Variants in TENM2 observed in about 807,000 individuals in gnomAD.
TENM2 encodes the protein teneurin transmembrane protein 2.
TENM2 carries 52 observed loss-of-function variants against 245.2 expected under a neutral mutation model. The ratio of observed to expected loss-of-function variants is 0.21; its 90% CI spans 0.17 to 0.27. The LOEUF is 0.27. Among genes scored for constraint, TENM2 ranks in the 10% least tolerant of loss-of-function variants. The pLI, the probability that TENM2 is intolerant of heterozygous loss-of-function variation, is 1.00. For synonymous variants in TENM2, 1,363 were observed against 1,438.9 expected (o/e 0.95, Z 1.19); for missense variants, 3,046 against 3,666.8 (o/e 0.83, Z 4.37).
At chr5:167,419,210 C>G (rs936188267) in intron 2 of TENM2, among the ~76,000 whole-genome samples, 18 of 152,000 alleles carry the variant, frequency 1.2e-4, no homozygotes, top group African/African-American at 4.3e-4. Context: ...GCCTGTAATT[C>G]CAGCACTTTG....
rs566257869 is a variant in TENM2 at position 167,541,867 on chromosome 5, T to C, written c.502+166394T>C. Among the ~76,000 whole-genome samples the C allele has an allele frequency of 1.7e-3, 259 of 152,304 alleles. 1 individual carries two copies. The highest frequency in any genetic ancestry group is 3.0e-3 in the Non-Finnish European group (206 of 68,012). Reference sequence around the variant, plus strand: ...AATAAAATCACAATCATAGAAAGCATATAATCATATTCCTGAAATATAAAT... The same window carrying C: ...AATAAAATCACAATCATAGAAAGCACATAATCATATTCCTGAAATATAAAT... On this transcript the variant is annotated intron_variant, in intron 2 of 28. Coordinates refer to ENST00000518659, the Ensembl canonical transcript of TENM2.
the TENM2 span, among the ~76,000 whole-genome samples, chr5:167,192,684 T>C: frequency 6.6e-6 from 1 of 152,114 alleles, no homozygotes; most frequent in Non-Finnish European, 1.5e-5. Context: ...GAGAGGATCA[T>C]GAAGATGGAA....
At chr5:167,620,591 G>A (rs1403967817) in intron 2 of TENM2, among the ~76,000 whole-genome samples, 1 of 105,100 alleles carries the variant, frequency 9.5e-6, no homozygotes, top group Admixed American at 1.4e-4. Flanking sequence ...AGCTCAAAAT[G>A]TGCTATACAA....
chr5:167,414,906 A>T (rs1763086974), intron 2 of TENM2, among the ~76,000 whole-genome samples: 1 of 152,152 alleles, frequency 6.6e-6, no homozygotes, highest in South Asian at 2.1e-4. Context: ...TCAAATTTTC[A>T]TAATTTGCTT....
intron 2 of TENM2, among the ~76,000 whole-genome samples, chr5:167,793,613 T>A (rs1765122594): frequency 6.6e-6 from 1 of 151,798 alleles, no homozygotes; most frequent in Non-Finnish European, 1.5e-5. Flanking sequence ...GGTGGGAGGA[T>A]CACTTGAGCC....
intron 23 of TENM2, among the ~76,000 whole-genome samples, chr5:168,220,098 C>A (rs539806189): frequency 6.6e-6 from 1 of 152,310 alleles, no homozygotes; most frequent in African/African-American, 2.4e-5. Flanking sequence ...CTTCAGGACA[C>A]TGTAGTTTTG....
intron 1 of TENM2, among the ~76,000 whole-genome samples, chr5:167,330,686 T>G (rs1757389823): frequency 1.3e-5 from 2 of 152,316 alleles, no homozygotes; most frequent in Middle Eastern, 3.4e-3. Context: ...TTAGATTAGA[T>G]GCTCCAAATC....
chr5:167,370,176 A>G (rs1760320019), intron 1 of TENM2, among the ~76,000 whole-genome samples: 2 of 152,024 alleles, frequency 1.3e-5, no homozygotes, highest in South Asian at 4.1e-4. Context: ...CCCCGTCTCT[A>G]CTAAAAATAC....
the TENM2 span, among the ~76,000 whole-genome samples, chr5:167,032,342 T>G: frequency 6.6e-6 from 1 of 152,292 alleles, no homozygotes; most frequent in Non-Finnish European, 1.5e-5. Context: ...GATACATGTT[T>G]TTTGCTGCCT....
At chr5:167,825,159 C>T (rs773343679) in intron 2 of TENM2, among the ~76,000 whole-genome samples, 7 of 152,104 alleles carry the variant, frequency 4.6e-5, no homozygotes, top group African/African-American at 7.2e-5. Context: ...CTGCTTCCTT[C>T]GTATAGTCAA....
At chr5:167,338,302 T>C (rs997643180) in intron 1 of TENM2, among the ~76,000 whole-genome samples, 14 of 152,196 alleles carry the variant, frequency 9.2e-5, no homozygotes, top group Admixed American at 9.2e-4. Flanking sequence ...CTAAGATGGC[T>C]TTATCAACCC....
intron 2 of TENM2, among the ~76,000 whole-genome samples, chr5:167,783,825 G>A (rs1418936849): frequency 1.3e-5 from 2 of 152,076 alleles, no homozygotes; most frequent in South Asian, 2.1e-4. Flanking sequence ...CCCAGGGTGC[G>A]TGTCTCTCCC....
the TENM2 span, among the ~76,000 whole-genome samples, chr5:166,992,135 T>C: frequency 1.3e-5 from 2 of 152,022 alleles, no homozygotes; most frequent in African/African-American, 4.8e-5. Flanking sequence ...GATTTCATAT[T>C]ATAAATAAAT....
chr5:167,646,434 C>T (rs1019548565), intron 2 of TENM2, among the ~76,000 whole-genome samples: 23 of 151,518 alleles, frequency 1.5e-4, no homozygotes, highest in Admixed American at 1.3e-3. Flanking sequence ...TGTGGAAATA[C>T]GGTTATTTCC....
chr5:167,163,332 C>T, the TENM2 span, among the ~76,000 whole-genome samples: 1 of 152,172 alleles, frequency 6.6e-6, no homozygotes, highest in Non-Finnish European at 1.5e-5. Context: ...CTCAAGGGAT[C>T]CTCCCGCCTC....
At chr5:167,696,974 G>A (rs1186586639) in intron 2 of TENM2, among the ~76,000 whole-genome samples, 2 of 152,196 alleles carry the variant, frequency 1.3e-5, no homozygotes, top group Non-Finnish European at 1.5e-5. Context: ...TCTATCTGAG[G>A]CCGTCAACCA....
chr5:168,023,747 A>G (rs191972477), intron 5 of TENM2, among the ~76,000 whole-genome samples: 4 of 152,266 alleles, frequency 2.6e-5, no homozygotes, highest in African/African-American at 9.6e-5. Flanking sequence ...AGCACACACT[A>G]CTGCATTTGC....
rs1330066219 is a variant in TENM2, at chr5:168,051,643, A to G, written c.1309+4094A>G. On this transcript the variant is annotated intron_variant, in intron 6 of 28. Transcript: ENST00000518659. Reference sequence around the variant, plus strand: ...ATATTCTTGGTAACTTTGCATTGGAAGATGCACTATAATATAGGATTTTGG... The same window carrying G: ...ATATTCTTGGTAACTTTGCATTGGAGGATGCACTATAATATAGGATTTTGG... 2.6e-5 allele frequency among the ~76,000 whole-genome samples: 4 copies of G among 152,292 alleles called. No homozygotes were observed. In the East Asian group the frequency reaches 7.7e-4, roughly 29 times the overall value.
At chr5:167,262,103 G>A in the TENM2 span, among the ~76,000 whole-genome samples, 1 of 152,160 alleles carries the variant, frequency 6.6e-6, no homozygotes, top group Non-Finnish European at 1.5e-5. Flanking sequence ...GGGTCCCTTT[G>A]GGTAAGATTA....
Sources: gnomAD v4.1 joint callset for allele counts (sites outside exome capture counted in the v4.1 genomes callset) on GRCh38, gnomAD v4.1.1 for gene constraint, MANE v1.5 for transcripts, NCBI Gene and HGNC (gene_info 2026-07-23, HGNC 2026-07-21) for gene names.